TMEM161B: variants seen among roughly 807,000 people sequenced by gnomAD.
TMEM161B encodes the protein transmembrane protein 161B.
TMEM161B carries 34 observed loss-of-function variants against 61.8 expected under a neutral mutation model. The observed-to-expected ratio is 0.55, with a 90% CI of 0.42 to 0.73. The LOEUF (loss-of-function observed/expected upper bound fraction) is 0.73, where lower values mean the gene tolerates loss of function less well. Among genes scored for constraint, TMEM161B ranks in the 30% least tolerant of loss-of-function variants. TMEM161B has a pLI of 0.00. For missense variants in TMEM161B, 456 were observed against 558.5 expected (o/e 0.82, Z 1.85); for synonymous variants, 167 against 192.8 (o/e 0.87, Z 1.11).
intron 1 of TMEM161B, among the ~76,000 whole-genome samples, chr5:88,250,044 GAAC>G (rs1317629142): frequency 2.0e-5 from 3 of 152,134 alleles, no homozygotes; most frequent in African/African-American, 7.2e-5. Context: ...CACCATGATA[GAAC>G]AACACAGAAA....
intron 8 of TMEM161B, 29 bp from the exon 9 acceptor site, chr5:88,203,104 AATTCAG>A: frequency 7.1e-7 from 1 of 1,415,340 alleles, no homozygotes; most frequent in South Asian, 1.2e-5. Context: ...TAAATATAAA[AATTCAG>A]AAACAGCACG....
intron 4 of TMEM161B, among the ~76,000 whole-genome samples, chr5:88,224,861 A>AT (rs769622895): frequency 7.8e-5 from 11 of 141,198 alleles, no homozygotes; most frequent in Non-Finnish European, 1.5e-4. Flanking sequence ...CAGGAAATAT[A>AT]TTTTTTCTCC....
intron 11 of TMEM161B, 76 bp from the exon 12 acceptor site, chr5:88,196,564 A>T: frequency 7.1e-7 from 1 of 1,413,374 alleles, no homozygotes; most frequent in Non-Finnish European, 9.4e-7. Context: ...AAATCTTCCT[A>T]TATTTGAAAT....
exon 13 of TMEM161B, chr5:88,189,829 C>G (rs1748606100): frequency 1.9e-6 from 1 of 527,648 alleles, no homozygotes; most frequent in Admixed American, 3.1e-5. Flanking sequence ...ATAGGGAGAG[C>G]CTGTATCCAT....
intron 1 of TMEM161B, among the ~76,000 whole-genome samples, chr5:88,265,653 A>G (rs1756281870): frequency 6.6e-6 from 1 of 152,128 alleles, no homozygotes; most frequent in Non-Finnish European, 1.5e-5. Context: ...TCAGTTAGAA[A>G]TAATTTCTTT....
chr5:88,227,576 G>C (rs984495443), intron 3 of TMEM161B, among the ~76,000 whole-genome samples: 4 of 152,142 alleles, frequency 2.6e-5, no homozygotes, highest in African/African-American at 4.8e-5. Context: ...AAGGATGGTA[G>C]TAAGATCAAA....
intron 4 of TMEM161B, among the ~76,000 whole-genome samples, chr5:88,223,908 AAC>A (rs1009161415): frequency 3.9e-5 from 6 of 152,196 alleles, no homozygotes; most frequent in African/African-American, 9.6e-5. Flanking sequence ...AAAAAAAAAA[AAC>A]AGTCTAAATC....
At chr5:88,263,748 A>G (rs436671) in intron 1 of TMEM161B, among the ~76,000 whole-genome samples, 1 of 152,238 alleles carries the variant, frequency 6.6e-6, no homozygotes, top group Non-Finnish European at 1.5e-5. Flanking sequence ...CGGAGAAAAC[A>G]AAAGAACCAA....
intron 8 of TMEM161B, among the ~76,000 whole-genome samples, chr5:88,204,353 T>C (rs904040867): frequency 5.3e-5 from 8 of 151,952 alleles, no homozygotes; most frequent in African/African-American, 1.7e-4. Flanking sequence ...AGGGAAAAAA[T>C]CTTAAAATGA....
intron 6 of TMEM161B, among the ~76,000 whole-genome samples, 196 bp from the exon 7 acceptor site, chr5:88,206,695 T>C (rs1745567509): frequency 6.6e-6 from 1 of 152,086 alleles, no homozygotes; most frequent in South Asian, 2.1e-4. Flanking sequence ...TTTGAAAACG[T>C]CCCTTTGATA....
intron 7 of TMEM161B, 108 bp downstream of exon 7, chr5:88,206,331 C>A: frequency 1.1e-6 from 1 of 878,400 alleles, no homozygotes; most frequent in Non-Finnish European, 1.7e-6. Context: ...AGTGACAGTC[C>A]AACTTAAAAC....
chr5:88,220,727 G>GAAAAAAAAAAAAAAAAAAAAAAAAAAATA lies in TMEM161B; in HGVS notation c.290-9_290-8insTATTTTTTTTTTTTTTTTTTTTTTTTTTT. 1.7e-6 allele frequency: 1 copy of GAAAAAAAAAAAAAAAAAAAAAAAAAAATA among 581,450 alleles called. No homozygotes were observed. Among genetic ancestry groups the GAAAAAAAAAAAAAAAAAAAAAAAAAAATA allele is most frequent in the Non-Finnish European group, 2.1e-6 (1 of 466,910 alleles). The allele number at this position is 581,450 out of a possible 1,614,324, so 36.0% of individuals were successfully genotyped here. A position where few individuals can be genotyped will look rare whatever the true frequency, so the allele number is the denominator to read the frequency against. On this transcript the variant is annotated splice_polypyrimidine_tract_variant and intron_variant, in intron 4 of 11. Coordinates refer to ENST00000296595, the MANE Select transcript of TMEM161B (RefSeq NM_153354.5). ...CTGGAAAGTAATGCAATGCTGGAAA[G>GAAAAAAAAAAAAAAAAAAAAAAAAAAATA]AAAAAAAAAAAAAAAAAAAAAAAAG...
chr5:88,191,979 AGTGT>A (rs1748942815), downstream of TMEM161B, among the ~76,000 whole-genome samples: 1 of 42,232 alleles, frequency 2.4e-5, no homozygotes, highest in Non-Finnish European at 4.5e-5. Flanking sequence ...AAAAAAAAAA[AGTGT>A]ATATATATAT....
At chr5:88,209,010 T>G (rs1746154608) in intron 5 of TMEM161B, among the ~76,000 whole-genome samples, 1 of 152,316 alleles carries the variant, frequency 6.6e-6, no homozygotes, top group African/African-American at 2.4e-5. Context: ...TGAAAAAAAT[T>G]TTGACTGCAT....
At chr5:88,255,176 T>A (rs986697414) in intron 1 of TMEM161B, among the ~76,000 whole-genome samples, 1 of 152,202 alleles carries the variant, frequency 6.6e-6, no homozygotes, top group Admixed American at 6.5e-5. Context: ...AGATGGTTAT[T>A]TCCAATAGGT....
At chr5:88,243,940 G>C (rs1753173683) in intron 1 of TMEM161B, among the ~76,000 whole-genome samples, 1 of 151,638 alleles carries the variant, frequency 6.6e-6, no homozygotes, top group African/African-American at 2.4e-5. Flanking sequence ...TTTTTGAAAG[G>C]TATCTGTTCA....
At chr5:88,217,017 T>C (rs777587809) in intron 5 of TMEM161B, among the ~76,000 whole-genome samples, 17 of 152,206 alleles carry the variant, frequency 1.1e-4, no homozygotes, top group Non-Finnish European at 2.2e-4. Context: ...GGAAAAGTAC[T>C]GTAGACATGA....
chr5:88,205,755 T>C (rs999366686), intron 8 of TMEM161B, 59 bp downstream of exon 8: 3 of 1,572,796 alleles, frequency 1.9e-6, no homozygotes, highest in Non-Finnish European at 2.6e-6. Context: ...ATATTATACC[T>C]TCATTAAGAT....
rs1317904943 is a variant in TMEM161B at position 88,195,775 on chromosome 5, C to A, written c.*436G>T. On this transcript the variant is annotated 3_prime_UTR_variant, in exon 12 of 12. Coordinates refer to ENST00000296595, the MANE Select transcript of TMEM161B (RefSeq NM_153354.5). The stretch of plus-strand genomic sequence containing the variant: ...ATTACCAACAGAAGAGACTTTAGCC[C>A]CTTTCCCTCCCCTAAAGCATGGCTC... 2 of 988,196 alleles carry A rather than the reference C, an allele frequency of 2.0e-6. No homozygotes were observed. The highest frequency in any genetic ancestry group is 2.4e-6 in the Non-Finnish European group (2 of 831,918). The allele number at this position is 988,196 out of a possible 1,614,324, so 61.2% of individuals were successfully genotyped here.
Sources: allele counts gnomAD v4.1 joint callset (sites outside exome capture counted in the v4.1 genomes callset), GRCh38; gene constraint gnomAD v4.1.1; transcripts MANE v1.5; gene names NCBI Gene and HGNC (gene_info 2026-07-23, HGNC 2026-07-21).